Variants in DLGAP4 observed in about 807,000 individuals in gnomAD.
The protein encoded by DLGAP4 is disks large-associated protein 4.
DLGAP4 carries 18 observed loss-of-function variants against 86.9 expected under a neutral mutation model. The ratio of observed to expected loss-of-function variants is 0.21; its 90% CI spans 0.14 to 0.31. The LOEUF is 0.31. Ranked by LOEUF, DLGAP4 falls within the 10% of genes least tolerant of loss-of-function variation. The probability of loss-of-function intolerance (pLI) is 1.00; values close to 1 mark genes in which losing one functional copy is unlikely to be tolerated. For missense variants in DLGAP4, 1,085 were observed against 1,362.6 expected (o/e 0.80, Z 3.21); for synonymous variants, 548 against 574.3 (o/e 0.95, Z 0.65).
intron 7 of DLGAP4, among the ~76,000 whole-genome samples, chr20:36,494,967 T>C (rs957330808): frequency 3.4e-4 from 47 of 140,156 alleles, no homozygotes; most frequent in Admixed American, 3.3e-3. Context: ...AAAAAAGTGG[T>C]TTTTTTTTTT....
At chr20:36,513,861 G>A (rs1365111323) in intron 10 of DLGAP4, among the ~76,000 whole-genome samples, 1 of 152,174 alleles carries the variant, frequency 6.6e-6, no homozygotes, top group East Asian at 1.9e-4. Context: ...CGATCTGGGG[G>A]AAAGTCAGGA....
chr20:36,395,573 A>G (rs2147471667), intron 2 of DLGAP4, among the ~76,000 whole-genome samples: 1 of 152,132 alleles, frequency 6.6e-6, no homozygotes, highest in Middle Eastern at 3.4e-3. Flanking sequence ...ATCTTGGCTC[A>G]CTGCAACCTC....
At chr20:36,438,177 C>T (rs150167908) in intron 4 of DLGAP4, among the ~76,000 whole-genome samples, 2,733 of 152,122 alleles carry the variant, frequency 0.018, 94 homozygotes, top group African/African-American at 0.062. Context: ...AGTTTGACAC[C>T]AGCCTGGTCA....
At chr20:36,316,486 C>T (rs2065101344) in intron 1 of DLGAP4, among the ~76,000 whole-genome samples, 1 of 152,296 alleles carries the variant, frequency 6.6e-6, no homozygotes, top group Non-Finnish European at 1.5e-5. Flanking sequence ...TATGGCTCAG[C>T]TCAGACCTCC....
chr20:36,421,650 A>G (rs1351581777), intron 2 of DLGAP4, among the ~76,000 whole-genome samples: 1 of 151,810 alleles, frequency 6.6e-6, no homozygotes, highest in African/African-American at 2.4e-5. Context: ...GCTGAATGGG[A>G]TGCTGGGGTA....
intron 1 of DLGAP4, among the ~76,000 whole-genome samples, chr20:36,356,981 C>T (rs983213715): frequency 6.6e-6 from 1 of 152,124 alleles, no homozygotes; most frequent in Non-Finnish European, 1.5e-5. Context: ...GCCCCAGTAT[C>T]CTAGGTGAAC....
intron 1 of DLGAP4, among the ~76,000 whole-genome samples, chr20:36,325,915 A>G (rs1271867936): frequency 1.3e-5 from 2 of 151,928 alleles, no homozygotes; most frequent in African/African-American, 4.8e-5. Flanking sequence ...ACAGGGTTTC[A>G]CTATGTTGAC....
chr20:36,432,627 G>A lies in DLGAP4; in HGVS notation c.910G>A (p.Glu304Lys), dbSNP rs140800171. 3.6e-4 allele frequency: 582 copies of A among 1,611,448 alleles called. 3 individuals carry two copies. The African/African-American group carries it at 6.5e-3, about 18-fold the overall frequency. Residue 304 changes from glutamate to lysine, a missense_variant, in exon 3 of 13, where the codon GAG becomes AAG. Glu to Lys is a moderately conservative substitution (Grantham distance 56, BLOSUM62 1). This residue lies in a region of DLGAP4 where 1,082 missense variants were observed against 1,344.1 expected (regional missense o/e 0.81). Transcript: ENST00000339266. This position sits in a 1 kb window ranked among gnomAD's most constrained non-coding sequence, Gnocchi z 6.5. ...CACTCTGACCCTCAGCCACGCCCAC[G>A]AGGTCTGCCAGAAGACCTCAGCCAC... ...WSTLTLSHAH[E>K]VCQKTSATLD...
chr20:36,487,919 G>A (rs967531905), intron 7 of DLGAP4, among the ~76,000 whole-genome samples: 2 of 152,076 alleles, frequency 1.3e-5, no homozygotes, highest in Non-Finnish European at 2.9e-5. Flanking sequence ...GGCAGTTAGT[G>A]CGCCGGGCGT....
chr20:36,488,480 C>T (rs1371383623), intron 7 of DLGAP4, among the ~76,000 whole-genome samples: 1 of 152,148 alleles, frequency 6.6e-6, no homozygotes, highest in Non-Finnish European at 1.5e-5. Flanking sequence ...AACCATTGCT[C>T]TTCTGGGCAG....
At chr20:36,391,398 C>T (rs1416590880) in intron 2 of DLGAP4, among the ~76,000 whole-genome samples, 4 of 152,198 alleles carry the variant, frequency 2.6e-5, no homozygotes, top group Admixed American at 2.6e-4. Flanking sequence ...ATGATAAAGC[C>T]AGCCCCAGGG....
intron 7 of DLGAP4, among the ~76,000 whole-genome samples, chr20:36,467,052 CTCTCT>C (rs2034430523): frequency 1.5e-5 from 2 of 134,306 alleles, no homozygotes; most frequent in African/African-American, 7.1e-5. Context: ...CTCTCTCTCT[CTCTCT>C]CTCTCTCCCC....
intron 2 of DLGAP4, among the ~76,000 whole-genome samples, chr20:36,422,219 A>G (rs1600508930): frequency 6.6e-6 from 1 of 152,084 alleles, no homozygotes; most frequent in African/African-American, 2.4e-5. Flanking sequence ...TGTGTCCTCC[A>G]TGGACTGCTA....
intron 7 of DLGAP4, among the ~76,000 whole-genome samples, chr20:36,496,307 C>T (rs796913450): frequency 6.6e-6 from 1 of 152,150 alleles, no homozygotes; most frequent in Non-Finnish European, 1.5e-5. Context: ...CAAGGTTAAC[C>T]ATTCCTTAGC....
chr20:36,463,128 G>A (rs2034176372), intron 7 of DLGAP4, among the ~76,000 whole-genome samples: 1 of 152,114 alleles, frequency 6.6e-6, no homozygotes, highest in African/African-American at 2.4e-5. Context: ...GCTGAGATTC[G>A]ATTCAGGATG....
chr20:36,495,090 T>C (rs1165950571), intron 7 of DLGAP4, among the ~76,000 whole-genome samples: 1 of 150,100 alleles, frequency 6.7e-6, no homozygotes, highest in African/African-American at 2.5e-5. Context: ...CCTCCCAAGT[T>C]TAAGCAATTC....
At chr20:36,482,391 A>G (rs2035227050) in intron 7 of DLGAP4, among the ~76,000 whole-genome samples, 1 of 152,176 alleles carries the variant, frequency 6.6e-6, no homozygotes, top group Non-Finnish European at 1.5e-5. Flanking sequence ...CATTGACATC[A>G]GCCCTCCAGA....
At chr20:36,405,058 A>C (rs1050130403) in intron 2 of DLGAP4, among the ~76,000 whole-genome samples, 1 of 152,120 alleles carries the variant, frequency 6.6e-6, no homozygotes, top group Non-Finnish European at 1.5e-5. Context: ...GCCAGGAGGG[A>C]GTGTGTCCTG....
chr20:36,457,901 G>A (rs1214620821), intron 7 of DLGAP4, among the ~76,000 whole-genome samples: 3 of 152,058 alleles, frequency 2.0e-5, no homozygotes, highest in Admixed American at 2.0e-4. Context: ...CCAAAGTGCT[G>A]GGATTACAGG....
Sources: gnomAD v4.1 joint callset for allele counts (sites outside exome capture counted in the v4.1 genomes callset) on GRCh38, gnomAD v4.1.1 for gene constraint, gnomAD v4.1.1 regional missense constraint, Gnocchi (gnomAD v3.1) non-coding constraint, MANE v1.5 for transcripts, NCBI Gene and HGNC (gene_info 2026-07-23, HGNC 2026-07-21) for gene names.